Variants in RADIL observed in about 807,000 individuals in gnomAD.
The protein encoded by RADIL is ras-associating and dilute domain-containing protein.
In RADIL, 99 loss-of-function variants were observed where a neutral mutation model predicts 97.6. The ratio of observed to expected loss-of-function variants is 1.01; its 90% CI spans 0.86 to 1.20. The LOEUF is 1.20. RADIL is among the 50% of genes most tolerant of loss of function. RADIL has a pLI of 0.00. For missense variants in RADIL, 1,765 were observed against 1,498.9 expected, an observed-to-expected ratio of 1.18 and a Z score of -2.93; for synonymous variants, 803 against 691.8, an observed-to-expected ratio of 1.16 and a Z score of -2.52.
At chr7:4,805,183 G>C (rs150248176) in intron 10 of RADIL, 3,996 of 236,044 alleles carry the variant, frequency 0.017, 51 homozygotes, top group Middle Eastern at 0.04. Context: ...ATGTGTGTGT[G>C]CGTGTGCACA....
In RADIL at chr7:4,837,298, G is replaced by A. The variant is rs917263631; in HGVS notation, c.536-693C>T. The stretch of plus-strand genomic sequence containing the variant: ...TCCCACGGCAGCCTGGGCCTCTGCA[G>A]GGTCACCACGCCGCCTCCAGAGCCC... On this transcript the variant is annotated intron_variant, in intron 2 of 14. Coordinates refer to ENST00000399583, the MANE Select transcript of RADIL (RefSeq NM_018059.5). The surrounding 1 kb of genome is among the most constrained non-coding windows in gnomAD (Gnocchi z 5.6). Among the ~76,000 whole-genome samples, 2 of 152,214 alleles carry A rather than the reference G, an allele frequency of 1.3e-5. No individual in the cohort carries two copies. Among genetic ancestry groups the A allele is most frequent in the African/African-American group, 4.8e-5 (2 of 41,466 alleles).
rs1362990238 is a variant in RADIL, at chr7:4,835,257, C to T, written c.784-18G>A. On this transcript the variant is annotated intron_variant, in intron 3 of 14. Coordinates refer to ENST00000399583, the MANE Select transcript of RADIL (RefSeq NM_018059.5). The surrounding 1 kb of genome is among the most constrained non-coding windows in gnomAD (Gnocchi z 5.8). ...AGGCTGTCCTGAAACAGAGACTCCG[C>T]TCAGGGCAGGCGTAACGCGAGCAGC... The T allele has an allele frequency of 6.2e-7, 1 of 1,604,798 alleles. No individual in the cohort carries two copies. Among genetic ancestry groups the T allele is most frequent in the South Asian group, 1.1e-5 (1 of 90,842 alleles).
At position 4,805,552 on chromosome 7, in the gene RADIL, G is replaced by T. The variant is rs1562427699; in HGVS notation, c.2290+14C>A. 6.4e-7 allele frequency: 1 copy of T among 1,571,850 alleles called. No homozygotes were observed. The highest frequency in any genetic ancestry group is 8.6e-7 in the Non-Finnish European group (1 of 1,156,642). On this transcript the variant is annotated intron_variant, in intron 10 of 14. Transcript: ENST00000399583. ...TGAGTCCCCAGCCCTCTCCTGCCCT[G>T]GGGCAGGGCTTACCTGACCTGAAGG...
chr7:4,873,925 A>C lies in RADIL; in HGVS notation c.535+3680T>G, dbSNP rs999535381. On this transcript the variant is annotated intron_variant, in intron 2 of 14. Transcript: ENST00000399583. The surrounding 1 kb of genome is among the most constrained non-coding windows in gnomAD (Gnocchi z 4.3). Reference sequence around the variant, plus strand: ...GCTGGAGAAGCTGCTACAGTGAAAAACCCCTCGGCTTCCCACCTCCTCCCC... The same window carrying C: ...GCTGGAGAAGCTGCTACAGTGAAAACCCCCTCGGCTTCCCACCTCCTCCCC... 6.6e-6 allele frequency among the ~76,000 whole-genome samples: 1 copy of C among 151,514 alleles called. No homozygotes were observed. The highest frequency in any genetic ancestry group is 2.4e-5 in the African/African-American group (1 of 41,144).
Position 4,799,151 on chromosome 7 carries a change from T to G in RADIL, c.*227A>C. Reference sequence around the variant, plus strand: ...ATTGAACCGTACTTCTCCATTGAAGTCTTTAAACATAAAAGCTCTGTAACA... The same window carrying G: ...ATTGAACCGTACTTCTCCATTGAAGGCTTTAAACATAAAAGCTCTGTAACA... On this transcript the variant is annotated 3_prime_UTR_variant, in exon 15 of 15. Transcript: ENST00000399583. 1 of 563,624 alleles carries G rather than the reference T, an allele frequency of 1.8e-6. No homozygotes were observed. Among genetic ancestry groups the G allele is most frequent in the Admixed American group, 3.1e-5 (1 of 32,380 alleles). The allele number at this position is 563,624 out of a possible 1,614,324, so 34.9% of individuals were successfully genotyped here. A position where few individuals can be genotyped will look rare whatever the true frequency, so the allele number is the denominator to read the frequency against.
intron 2 of RADIL, 42 bp from the exon 3 acceptor site, chr7:4,836,647 T>A (rs1208911153): frequency 4.4e-6 from 7 of 1,600,998 alleles, no homozygotes; most frequent in Admixed American, 1.7e-5. Flanking sequence ...AGAAGTCTCA[T>A]AGCACCAGGA....
At position 4,834,736 on chromosome 7, in the gene RADIL, G is replaced by GC. The variant is rs768989877; in HGVS notation, c.1286dup (p.Asp430ArgfsTer69). The GC allele has an allele frequency of 9.9e-6, 14 of 1,410,000 alleles. No individual in the cohort carries two copies. The highest frequency in any genetic ancestry group is 1.8e-5 in the South Asian group (1 of 55,630). The allele number at this position is 1,410,000 out of a possible 1,614,324, so 87.3% of individuals were successfully genotyped here. On this transcript the variant is annotated frameshift_variant, in exon 4 of 15. Transcript: ENST00000399583. LOFTEE classifies it high-confidence loss of function. This position sits in a 1 kb window ranked among gnomAD's most constrained non-coding sequence, Gnocchi z 6.0. ...AGGCGGGGGTCAGCTTGTGGTCGTC[G>GC]CCCCCCGGCTCGATCAACGTCATGA...
At chr7:4,829,167 G>A (rs1185267976) in intron 5 of RADIL, among the ~76,000 whole-genome samples, 3 of 152,210 alleles carry the variant, frequency 2.0e-5, no homozygotes, top group East Asian at 1.9e-4. Context: ...GTAGGGGCCC[G>A]GGCCTGGACC....
At chr7:4,859,812 G>T in intron 2 of RADIL, 1 of 789,968 alleles carries the variant, frequency 1.3e-6, no homozygotes. Context: ...AGTTGTACTT[G>T]TCTTTGTATT....
At chr7:4,858,470 G>C (rs1263740772) in intron 2 of RADIL, 4 of 152,476 alleles carry the variant, frequency 2.6e-5, no homozygotes, top group Non-Finnish European at 4.4e-5. Flanking sequence ...AGAGCAGAAA[G>C]CCAGTAAGAT....
intron 2 of RADIL, among the ~76,000 whole-genome samples, chr7:4,875,237 CAAA>C (rs1236091702): frequency 2.1e-5 from 2 of 95,412 alleles, no homozygotes; most frequent in African/African-American, 6.7e-5. Context: ...ACAACAACAA[CAAA>C]ATTAGCCGGG....
intron 2 of RADIL, among the ~76,000 whole-genome samples, chr7:4,850,846 T>C (rs973865967): frequency 1.3e-5 from 2 of 152,136 alleles, no homozygotes; most frequent in African/African-American, 2.4e-5. Flanking sequence ...GACTCCTGAC[T>C]TGTGGAAAAC....
Position 4,859,855 on chromosome 7 carries a change from T to A in RADIL, c.535+17750A>T. The A allele has an allele frequency of 2.2e-6, 3 of 1,372,452 alleles. No individual in the cohort carries two copies. In the East Asian group the frequency reaches 6.9e-5, roughly 31 times the overall value. 85.0% of individuals were successfully genotyped at this position (1,372,452 alleles called of 1,614,324 possible). A position where few individuals can be genotyped will look rare whatever the true frequency, so the allele number is the denominator to read the frequency against. On this transcript the variant is annotated intron_variant, in intron 2 of 14. Coordinates refer to ENST00000399583, the MANE Select transcript of RADIL (RefSeq NM_018059.5). ...TCCTCTTCCGTTTTGGTTTTCTTGG[T>A]CCTTTCTTCTTTATGAGGCAAGAAT...
chr7:4,862,696 T>C (rs1046216949), intron 2 of RADIL, among the ~76,000 whole-genome samples: 5 of 150,836 alleles, frequency 3.3e-5, no homozygotes, highest in Non-Finnish European at 7.4e-5. Context: ...AGGTCAGGAG[T>C]TGGAGACCAG....
In RADIL at chr7:4,817,464, C is replaced by CT. The variant is rs1782706966; in HGVS notation, c.1616-114dup. 6.7e-5 allele frequency: 59 copies of CT among 887,154 alleles called. No individual in the cohort carries two copies. The South Asian group carries it at 9.4e-4, about 14-fold the overall frequency. 55.0% of individuals were successfully genotyped at this position (887,154 alleles called of 1,614,324 possible). ...CGCGGGCACCACCCAACGCGCCCAT[C>CT]TGGGGTCCAGATGCGATAAACTGGC... is the stretch of plus-strand genomic sequence containing the variant. On this transcript the variant is annotated intron_variant, in intron 6 of 14. Coordinates refer to ENST00000399583, the MANE Select transcript of RADIL (RefSeq NM_018059.5). This position sits in a 1 kb window ranked among gnomAD's most constrained non-coding sequence, Gnocchi z 8.3.
Position 4,846,086 on chromosome 7 carries a change from T to C in RADIL, c.536-9481A>G, listed in dbSNP as rs1386255687. 2.0e-5 allele frequency among the ~76,000 whole-genome samples: 3 copies of C among 151,182 alleles called. No individual in the cohort carries two copies. In the South Asian group the frequency reaches 6.2e-4, roughly 31 times the overall value. On this transcript the variant is annotated intron_variant, in intron 2 of 14. Coordinates refer to ENST00000399583, the MANE Select transcript of RADIL (RefSeq NM_018059.5). ...GGCGCTGTTTCATCTCAGGCACCACTGCTTATTTGTCTCTTTTGTTCCAGA... is the reference window on the plus strand; with the variant it reads ...GGCGCTGTTTCATCTCAGGCACCACCGCTTATTTGTCTCTTTTGTTCCAGA...
At position 4,883,396 on chromosome 7, in the gene RADIL, C is replaced by G. The variant is rs1296609237; in HGVS notation, c.-65+200G>C. ...TAGCCGGCCTCCGGGTACCGCCCCCCGGTCCAGGCCGGGGCCCGACAGCCA... is the reference window on the plus strand; with the variant it reads ...TAGCCGGCCTCCGGGTACCGCCCCCGGGTCCAGGCCGGGGCCCGACAGCCA... On this transcript the variant is annotated intron_variant, in intron 1 of 14. Transcript: ENST00000399583. The surrounding 1 kb of genome is among the most constrained non-coding windows in gnomAD (Gnocchi z 7.1). Among the ~76,000 whole-genome samples, 1 of 152,086 alleles carries G rather than the reference C, an allele frequency of 6.6e-6. No individual in the cohort carries two copies. Among genetic ancestry groups the G allele is most frequent in the Non-Finnish European group, 1.5e-5 (1 of 67,982 alleles).
Position 4,818,329 on chromosome 7 carries a change from G to A in RADIL, c.1616-978C>T, listed in dbSNP as rs183100333. Among the ~76,000 whole-genome samples the A allele has an allele frequency of 3.0e-4, 45 of 152,318 alleles. No individual in the cohort carries two copies. In the East Asian group the frequency reaches 3.9e-3, roughly 13 times the overall value. ...TGCCGGGCAGACTGCACCGGAGGCCGGCCCACTCATGGCCAGGACAATGGT... is the reference window on the plus strand; with the variant it reads ...TGCCGGGCAGACTGCACCGGAGGCCAGCCCACTCATGGCCAGGACAATGGT... On this transcript the variant is annotated intron_variant, in intron 6 of 14. Transcript: ENST00000399583. This position sits in a 1 kb window ranked among gnomAD's most constrained non-coding sequence, Gnocchi z 7.1.
At chr7:4,808,522 G>GTTTGT (rs1196462865) in intron 9 of RADIL, 1 of 946,762 alleles carries the variant, frequency 1.1e-6, no homozygotes, top group Non-Finnish European at 1.3e-6. Flanking sequence ...GTTTTTAAAG[G>GTTTGT]GTTTGAGAAA....
Sources: gnomAD v4.1 joint callset for allele counts (sites outside exome capture counted in the v4.1 genomes callset) on GRCh38, gnomAD v4.1.1 for gene constraint, Gnocchi (gnomAD v3.1) non-coding constraint, MANE v1.5 for transcripts, NCBI Gene and HGNC (gene_info 2026-07-23, HGNC 2026-07-21) for gene names.